The following KCNH5 variants were observed in gnomAD, a reference collection of about 807,000 sequenced individuals.
KCNH5 encodes the protein voltage-gated delayed rectifier potassium channel KCNH5.
A neutral mutation model predicts 96.1 loss-of-function variants in KCNH5; 46 were observed. The observed-to-expected ratio is 0.48, with a 90% CI of 0.38 to 0.61. KCNH5 has a LOEUF of 0.61. KCNH5 is among the 20% of genes least tolerant of loss of function. The pLI, the probability that KCNH5 is intolerant of heterozygous loss-of-function variation, is 0.00. For synonymous variants in KCNH5, 439 were observed against 449.8 expected (o/e 0.98, Z 0.30); for missense variants, 907 against 1,225.8 (o/e 0.74, Z 3.88).
At chr14:62,910,145 TACAC>T (rs111386925) in intron 7 of KCNH5, among the ~76,000 whole-genome samples, 2,450 of 143,994 alleles carry the variant, frequency 0.017, 35 homozygotes, top group African/African-American at 0.038. Flanking sequence ...ACTAACATGT[TACAC>T]ACACACACAC....
At chr14:62,856,215 G>C (rs904039315) in intron 7 of KCNH5, among the ~76,000 whole-genome samples, 3 of 152,044 alleles carry the variant, frequency 2.0e-5, no homozygotes, top group African/African-American at 7.2e-5. Context: ...GTGATATTCA[G>C]GTCTCTAAAA....
chr14:62,886,869 T>C (rs949235609), intron 7 of KCNH5, among the ~76,000 whole-genome samples: 1 of 152,212 alleles, frequency 6.6e-6, no homozygotes, highest in Non-Finnish European at 1.5e-5. Context: ...CTTTATTAGA[T>C]GATATCATTT....
chr14:63,044,029 C>A (rs1359147664), intron 1 of KCNH5, among the ~76,000 whole-genome samples: 2 of 152,098 alleles, frequency 1.3e-5, no homozygotes, highest in African/African-American at 4.8e-5. Context: ...AATGAATAAA[C>A]AAGGCACTAT....
intron 7 of KCNH5, among the ~76,000 whole-genome samples, chr14:62,896,389 A>T (rs1314667380): frequency 6.6e-6 from 1 of 152,226 alleles, no homozygotes; most frequent in East Asian, 1.9e-4. Flanking sequence ...TGAGTACAAG[A>T]TGGAGGCCTA....
At chr14:62,982,093 A>C (rs1890619203) in intron 5 of KCNH5, among the ~76,000 whole-genome samples, 1 of 152,124 alleles carries the variant, frequency 6.6e-6, no homozygotes, top group Non-Finnish European at 1.5e-5. Flanking sequence ...AATTATAAAA[A>C]ACAGTTGAGG....
chr14:63,004,988 C>T (rs918448434), intron 3 of KCNH5, among the ~76,000 whole-genome samples: 1 of 152,096 alleles, frequency 6.6e-6, no homozygotes, highest in Non-Finnish European at 1.5e-5. Context: ...TTATTGAAGG[C>T]TTAACAAACC....
rs755200701 is a variant in KCNH5 at position 63,023,116 on chromosome 14, T to C, written c.74-6162A>G. Among the ~76,000 whole-genome samples the C allele has an allele frequency of 1.2e-3, 182 of 151,234 alleles. 6 individuals carry two copies. Among genetic ancestry groups the C allele is most frequent in the African/African-American group, 2.9e-4 (12 of 41,064 alleles). ...TACCCGGGAGACTGAGGCAGGAGAA[T>C]AGCTGGAACATGGGAGGTGGAGGTT... is the stretch of plus-strand genomic sequence containing the variant. On this transcript the variant is annotated intron_variant, in intron 1 of 10. Coordinates refer to ENST00000322893, the MANE Select transcript of KCNH5 (RefSeq NM_139318.5).
chr14:62,871,307 G>A (rs887390496), intron 7 of KCNH5, among the ~76,000 whole-genome samples: 2 of 152,102 alleles, frequency 1.3e-5, no homozygotes, highest in African/African-American at 4.8e-5. Context: ...GCTATAAGAC[G>A]AACTCACTGG....
chr14:62,748,166 A>C (rs1201428182), intron 10 of KCNH5, among the ~76,000 whole-genome samples: 1 of 152,200 alleles, frequency 6.6e-6, no homozygotes, highest in Non-Finnish European at 1.5e-5. Flanking sequence ...GTGAAAGGAC[A>C]GCTACTCCAT....
At chr14:62,712,694 G>T (rs982355638) in intron 10 of KCNH5, 5 of 779,062 alleles carry the variant, frequency 6.4e-6, no homozygotes, top group Non-Finnish European at 1.2e-5. Flanking sequence ...CCTTCACAGA[G>T]CGTTTGCCAT....
intron 1 of KCNH5, among the ~76,000 whole-genome samples, chr14:63,025,199 A>T (rs1456484724): frequency 6.6e-6 from 1 of 152,110 alleles, no homozygotes; most frequent in Non-Finnish European, 1.5e-5. Context: ...CATGATTAAA[A>T]ACTCTCAACA....
intron 8 of KCNH5, among the ~76,000 whole-genome samples, chr14:62,818,033 A>T (rs996195991): frequency 1.4e-4 from 19 of 140,672 alleles, no homozygotes; most frequent in Admixed American, 7.9e-5. Context: ...ATACTGCTTG[A>T]TCTCACCTAT....
At chr14:62,999,713 T>C (rs574123944) in intron 4 of KCNH5, among the ~76,000 whole-genome samples, 96 of 63,958 alleles carry the variant, frequency 1.5e-3, no homozygotes, top group African/African-American at 6.0e-3. Context: ...GGGACTGTTG[T>C]GGGGTGGGGG....
chr14:63,018,868 A>C (rs539622937), intron 1 of KCNH5, among the ~76,000 whole-genome samples: 3 of 152,106 alleles, frequency 2.0e-5, no homozygotes. Context: ...ATTACTATGG[A>C]AAAAAGTAGG....
chr14:62,906,957 G>A (rs1229955406), intron 7 of KCNH5, among the ~76,000 whole-genome samples: 2 of 152,154 alleles, frequency 1.3e-5, no homozygotes, highest in Admixed American at 6.5e-5. Context: ...AATGAACAAC[G>A]TATAGCACTG....
At chr14:62,840,913 A>G (rs1226748578) in intron 8 of KCNH5, among the ~76,000 whole-genome samples, 1 of 151,564 alleles carries the variant, frequency 6.6e-6, no homozygotes. Context: ...CAATCTATTC[A>G]CTATATTTTT....
chr14:62,942,734 G>A (rs187033740), intron 7 of KCNH5, among the ~76,000 whole-genome samples: 62 of 152,288 alleles, frequency 4.1e-4, no homozygotes, highest in Non-Finnish European at 7.5e-4. Flanking sequence ...AGATGTTTAC[G>A]TGATTACCAA....
chr14:62,750,995 T>C (rs568945811), intron 10 of KCNH5, among the ~76,000 whole-genome samples: 1 of 152,192 alleles, frequency 6.6e-6, no homozygotes, highest in South Asian at 2.1e-4. Context: ...ACTTGCTCCA[T>C]AACTTGTATA....
intron 10 of KCNH5, among the ~76,000 whole-genome samples, chr14:62,719,686 A>G (rs1566638380): frequency 6.6e-6 from 1 of 152,212 alleles, no homozygotes; most frequent in Non-Finnish European, 1.5e-5. Flanking sequence ...CAGCATATGA[A>G]CGGTTGAAGT....
Sources: allele counts gnomAD v4.1 joint callset (sites outside exome capture counted in the v4.1 genomes callset), GRCh38; gene constraint gnomAD v4.1.1; transcripts MANE v1.5; gene names NCBI Gene and HGNC (gene_info 2026-07-23, HGNC 2026-07-21).